SUGCT: variants seen among roughly 807,000 people sequenced by gnomAD.
SUGCT encodes the protein succinyl-CoA:glutarate-CoA transferase, also known as succinyl-CoA:glutarate CoA-transferase.
In SUGCT, 41 loss-of-function variants were observed where a neutral mutation model predicts 55.0. The observed-to-expected ratio is 0.74, with a 90% CI of 0.58 to 0.97. The LOEUF (loss-of-function observed/expected upper bound fraction) is 0.97. Among genes scored for constraint, SUGCT ranks in the 50% least tolerant of loss-of-function variants. SUGCT has a pLI of 0.00. For missense variants in SUGCT, 568 were observed against 547.8 expected (o/e 1.04, Z -0.37); for synonymous variants, 187 against 200.4 (o/e 0.93, Z 0.56).
chr7:40,693,977 A>G (rs767524441), intron 12 of SUGCT, among the ~76,000 whole-genome samples: 1 of 152,224 alleles, frequency 6.6e-6, no homozygotes, highest in Non-Finnish European at 1.5e-5. Context: ...CCCACAGATC[A>G]AACAAATTAA....
At chr7:40,601,656 T>C (rs1798292020) in intron 12 of SUGCT, among the ~76,000 whole-genome samples, 1 of 152,056 alleles carries the variant, frequency 6.6e-6, no homozygotes. Flanking sequence ...TTGTCCAACA[T>C]GCGGCCTGCA....
At chr7:40,301,308 A>C (rs1321108921) in intron 8 of SUGCT, among the ~76,000 whole-genome samples, 1 of 152,240 alleles carries the variant, frequency 6.6e-6, no homozygotes, top group Non-Finnish European at 1.5e-5. Flanking sequence ...CAAATAAAAC[A>C]GCATTAATAT....
chr7:40,426,629 C>T (rs1787602328), intron 9 of SUGCT, among the ~76,000 whole-genome samples: 1 of 152,096 alleles, frequency 6.6e-6, no homozygotes, highest in Non-Finnish European at 1.5e-5. Flanking sequence ...TGGAAGACAG[C>T]CACACTGTGG....
chr7:40,408,946 C>CT (rs1381202403), intron 9 of SUGCT, among the ~76,000 whole-genome samples: 2 of 152,094 alleles, frequency 1.3e-5, no homozygotes, highest in African/African-American at 4.8e-5. Context: ...TCTCTCTCTG[C>CT]TTTTTGTTTC....
At chr7:40,940,338 C>T in the SUGCT span, among the ~76,000 whole-genome samples, 2 of 151,822 alleles carry the variant, frequency 1.3e-5, no homozygotes, top group Non-Finnish European at 2.9e-5. Context: ...TTCTTTTTTG[C>T]TTAGGGTTGC....
the SUGCT span, among the ~76,000 whole-genome samples, chr7:40,963,259 G>A: frequency 1.3e-5 from 2 of 152,042 alleles, no homozygotes; most frequent in Admixed American, 6.6e-5. Flanking sequence ...TCCCCAAGTG[G>A]AGACTATCAT....
At chr7:40,370,371 C>T (rs1784231240) in intron 9 of SUGCT, among the ~76,000 whole-genome samples, 1 of 152,158 alleles carries the variant, frequency 6.6e-6, no homozygotes, top group African/African-American at 2.4e-5. Context: ...CCTCTCTACA[C>T]ATGTATTCTC....
rs148770156 is a variant in SUGCT at position 40,706,736 on chromosome 7, G to A, written c.1090-42698G>A. 5.3e-4 allele frequency among the ~76,000 whole-genome samples: 80 copies of A among 152,290 alleles called. 1 individual carries two copies. In the East Asian group the frequency reaches 0.012, roughly 23 times the overall value. ...CCTTGTTCCCAGCACCACTTCCAGCGAGCAGCTATCTCTAGAGACCTTGCT... is the reference window on the plus strand; with the variant it reads ...CCTTGTTCCCAGCACCACTTCCAGCAAGCAGCTATCTCTAGAGACCTTGCT... On this transcript the variant is annotated intron_variant, in intron 12 of 13. Transcript: ENST00000335693.
intron 12 of SUGCT, among the ~76,000 whole-genome samples, chr7:40,585,621 CA>C (rs1257623395): frequency 6.6e-6 from 1 of 152,136 alleles, no homozygotes; most frequent in African/African-American, 2.4e-5. Flanking sequence ...CATCTTACCC[CA>C]CTTGGCCTCC....
At chr7:41,026,029 C>T in the SUGCT span, among the ~76,000 whole-genome samples, 136 of 152,308 alleles carry the variant, frequency 8.9e-4, no homozygotes, top group African/African-American at 2.8e-3. Flanking sequence ...ATCGGGATTT[C>T]TCTGAGTTGA....
At chr7:40,396,085 G>T (rs571795829) in intron 9 of SUGCT, among the ~76,000 whole-genome samples, 4 of 152,186 alleles carry the variant, frequency 2.6e-5, no homozygotes, top group African/African-American at 9.6e-5. Context: ...ATAACAACTA[G>T]CATGGACACT....
the SUGCT span, among the ~76,000 whole-genome samples, chr7:41,003,475 A>G: frequency 1.3e-5 from 2 of 152,364 alleles, no homozygotes; most frequent in Admixed American, 6.5e-5. Flanking sequence ...ACAAGGGCCA[A>G]TGCAAATTTC....
chr7:40,316,886 T>A, intron 9 of SUGCT, 31 bp downstream of exon 9: 1 of 1,214,806 alleles, frequency 8.2e-7, no homozygotes, highest in Non-Finnish European at 1.1e-6. Flanking sequence ...GGTTGGGCTG[T>A]TGTAATTTGC....
the SUGCT span, among the ~76,000 whole-genome samples, chr7:41,015,465 ACT>A: frequency 1.3e-5 from 2 of 152,118 alleles, no homozygotes; most frequent in Non-Finnish European, 2.9e-5. Flanking sequence ...CCTACTCCAG[ACT>A]CTGTACACCA....
At chr7:40,531,222 T>G (rs1184036011) in intron 12 of SUGCT, among the ~76,000 whole-genome samples, 2 of 152,162 alleles carry the variant, frequency 1.3e-5, no homozygotes, top group South Asian at 4.1e-4. Context: ...GGCTGAAAAG[T>G]AGGATTTAGG....
intron 12 of SUGCT, among the ~76,000 whole-genome samples, chr7:40,690,915 TA>T (rs1271747902): frequency 1.3e-5 from 2 of 152,100 alleles, no homozygotes; most frequent in African/African-American, 4.8e-5. Context: ...TAGGAGGACC[TA>T]AAGGTTGTAA....
At chr7:40,767,809 A>C (rs1298027947) in intron 13 of SUGCT, among the ~76,000 whole-genome samples, 1 of 152,210 alleles carries the variant, frequency 6.6e-6, no homozygotes, top group Non-Finnish European at 1.5e-5. Flanking sequence ...CCAGTATTCA[A>C]AAGCAGAATT....
chr7:40,292,150 A>G (rs573351938), intron 8 of SUGCT, among the ~76,000 whole-genome samples: 1 of 152,352 alleles, frequency 6.6e-6, no homozygotes, highest in East Asian at 1.9e-4. Flanking sequence ...ATGTATATAC[A>G]TACATTCTGT....
At chr7:40,798,513 G>A (rs1790660222) in intron 13 of SUGCT, among the ~76,000 whole-genome samples, 1 of 152,180 alleles carries the variant, frequency 6.6e-6, no homozygotes, top group Admixed American at 6.5e-5. Flanking sequence ...GAAAGAAAAA[G>A]TCAGAAGCTT....
Sources: gnomAD v4.1 joint callset for allele counts (sites outside exome capture counted in the v4.1 genomes callset) on GRCh38, gnomAD v4.1.1 for gene constraint, MANE v1.5 for transcripts, NCBI Gene and HGNC (gene_info 2026-07-23, HGNC 2026-07-21) for gene names.